XXYLT1: variants seen among roughly 807,000 people sequenced by gnomAD.
XXYLT1 encodes the protein xyloside xylosyltransferase 1.
Under a neutral mutation model 28.9 loss-of-function variants are expected in XXYLT1, and 20 were observed. The ratio of observed to expected loss-of-function variants is 0.69; its 90% CI spans 0.49 to 1.00. The LOEUF (loss-of-function observed/expected upper bound fraction) is 1.00. Ranked by LOEUF, XXYLT1 falls within the 50% of genes least tolerant of loss-of-function variation. The probability of loss-of-function intolerance (pLI) is 0.00; values close to 1 mark genes in which losing one functional copy is unlikely to be tolerated. For missense variants in XXYLT1, 542 were observed against 560.1 expected (o/e 0.97, Z 0.33); for synonymous variants, 257 against 253.8 (o/e 1.01, Z -0.12).
intron 2 of XXYLT1, among the ~76,000 whole-genome samples, chr3:195,171,566 A>C (rs1173869876): frequency 1.3e-5 from 2 of 152,148 alleles, no homozygotes; most frequent in Non-Finnish European, 2.9e-5. Flanking sequence ...TGGTATCTGG[A>C]TTATTGGTGT....
chr3:195,254,292 C>T (rs1432170072), intron 1 of XXYLT1, among the ~76,000 whole-genome samples: 2 of 152,242 alleles, frequency 1.3e-5, no homozygotes, highest in Non-Finnish European at 2.9e-5. Context: ...CAACACGCCC[C>T]TCACCCTCCC....
In XXYLT1 at chr3:195,097,461, T is replaced by C. The variant is rs116553826; in HGVS notation, c.786-27350A>G. ...GTAGCTAGCACCACGTGCCACCACATGCAAGCACTGTTGTGTTTATATCTG... is the reference window on the plus strand; with the variant it reads ...GTAGCTAGCACCACGTGCCACCACACGCAAGCACTGTTGTGTTTATATCTG... On this transcript the variant is annotated intron_variant, in intron 3 of 3. Transcript: ENST00000310380. 9.9e-3 allele frequency among the ~76,000 whole-genome samples: 1,507 copies of C among 152,294 alleles called. 19 individuals are homozygous for C. The highest frequency in any genetic ancestry group is 0.035 in the African/African-American group (1,442 of 41,548).
intron 3 of XXYLT1, among the ~76,000 whole-genome samples, chr3:195,075,931 C>T (rs1715087803): frequency 6.6e-6 from 1 of 152,062 alleles, no homozygotes; most frequent in Admixed American, 6.5e-5. Context: ...GGCTGCCTGG[C>T]AGGACAGGAG....
chr3:195,206,021 ATT>A (rs777561871), intron 2 of XXYLT1, among the ~76,000 whole-genome samples: 16,908 of 124,728 alleles, frequency 0.14, 728 homozygotes, highest in East Asian at 0.24. Flanking sequence ...TTAAAGTTTA[ATT>A]TTTTTTTTTT....
At chr3:195,089,998 C>T (rs1716040306) in intron 3 of XXYLT1, among the ~76,000 whole-genome samples, 2 of 149,244 alleles carry the variant, frequency 1.3e-5, no homozygotes, top group African/African-American at 4.9e-5. Context: ...ATATATGCAC[C>T]CAATACAGGA....
chr3:195,217,974 C>CAACGG (rs1723647454), intron 2 of XXYLT1, among the ~76,000 whole-genome samples: 1 of 149,688 alleles, frequency 6.7e-6, no homozygotes, highest in African/African-American at 2.5e-5. Flanking sequence ...AGATATAGGC[C>CAACGG]AACGGAACAG....
At chr3:195,126,387 ATCAT>A (rs1312115399) in intron 3 of XXYLT1, among the ~76,000 whole-genome samples, 1 of 152,236 alleles carries the variant, frequency 6.6e-6, no homozygotes, top group Non-Finnish European at 1.5e-5. Context: ...TCATTCTGTG[ATCAT>A]TCATTCATTC....
intron 3 of XXYLT1, chr3:195,154,185 T>G (rs1720436835): frequency 6.6e-6 from 1 of 152,070 alleles, no homozygotes; most frequent in Admixed American, 6.6e-5. Flanking sequence ...CAACCGTCTC[T>G]CTAAAATGAT....
chr3:195,126,207 G>A (rs892753176), intron 3 of XXYLT1, among the ~76,000 whole-genome samples: 2 of 152,196 alleles, frequency 1.3e-5, no homozygotes, highest in Non-Finnish European at 2.9e-5. Flanking sequence ...TCAGTGCTGC[G>A]TGAGGCAGGA....
intron 2 of XXYLT1, among the ~76,000 whole-genome samples, chr3:195,224,418 G>A (rs1380416925): frequency 6.6e-6 from 1 of 152,226 alleles, no homozygotes; most frequent in African/African-American, 2.4e-5. Flanking sequence ...CTCTTGGACA[G>A]GGCTAAGTCA....
intron 2 of XXYLT1, among the ~76,000 whole-genome samples, chr3:195,187,451 T>C (rs1722251959): frequency 6.6e-6 from 1 of 152,160 alleles, no homozygotes; most frequent in South Asian, 2.1e-4. Flanking sequence ...TTAATATTCA[T>C]TCAATTTTTT....
intron 2 of XXYLT1, among the ~76,000 whole-genome samples, chr3:195,177,604 T>C (rs113483847): frequency 0.019 from 2,909 of 152,072 alleles, 93 homozygotes; most frequent in African/African-American, 0.067. Context: ...TTCGTGGCCA[T>C]GAGACCTGCC....
intron 3 of XXYLT1, among the ~76,000 whole-genome samples, chr3:195,088,312 T>G (rs1262067811): frequency 2.0e-5 from 3 of 149,790 alleles, no homozygotes; most frequent in East Asian, 2.0e-4. Context: ...AGAGCAGTGG[T>G]TCTCCCAGCA....
intron 2 of XXYLT1, among the ~76,000 whole-genome samples, chr3:195,166,718 T>C (rs1403227654): frequency 6.6e-6 from 1 of 152,148 alleles, no homozygotes; most frequent in Non-Finnish European, 1.5e-5. Flanking sequence ...AGTCTCACTC[T>C]TTCACCAGGC....
At chr3:195,252,842 A>G (rs562595155) in intron 1 of XXYLT1, among the ~76,000 whole-genome samples, 69 of 152,278 alleles carry the variant, frequency 4.5e-4, no homozygotes, top group African/African-American at 1.5e-3. Flanking sequence ...CGTATGCTAC[A>G]GTGATATGAA....
intron 3 of XXYLT1, among the ~76,000 whole-genome samples, chr3:195,104,140 G>GTTTC (rs1337436693): frequency 6.6e-6 from 1 of 151,964 alleles, no homozygotes; most frequent in African/African-American, 2.4e-5. Context: ...CTACTGATGA[G>GTTTC]TAGAAGCCCT....
intron 3 of XXYLT1, chr3:195,121,933 T>C (rs1577053837): frequency 1.5e-6 from 1 of 662,898 alleles, no homozygotes; most frequent in Non-Finnish European, 2.7e-6. Context: ...GGACCCTACA[T>C]TGTCATCCTC....
intron 2 of XXYLT1, among the ~76,000 whole-genome samples, chr3:195,212,332 A>G (rs1723357696): frequency 6.6e-6 from 1 of 152,216 alleles, no homozygotes; most frequent in Non-Finnish European, 1.5e-5. Context: ...TGGGAAGAAA[A>G]GGGCCTTGCC....
chr3:195,121,331 G>A (rs148089782), intron 3 of XXYLT1, among the ~76,000 whole-genome samples: 1 of 152,198 alleles, frequency 6.6e-6, no homozygotes, highest in Non-Finnish European at 1.5e-5. Flanking sequence ...GAGAGACGGG[G>A]TTCCCTCTTG....
Sources: gnomAD v4.1 joint callset for allele counts (sites outside exome capture counted in the v4.1 genomes callset) on GRCh38, gnomAD v4.1.1 for gene constraint, MANE v1.5 for transcripts, NCBI Gene and HGNC (gene_info 2026-07-23, HGNC 2026-07-21) for gene names.